KHDRBS2: variants seen among roughly 807,000 people sequenced by gnomAD.
KHDRBS2 encodes the protein KH domain-containing, RNA-binding, signal transduction-associated protein 2.
In KHDRBS2, 26 loss-of-function variants were observed where a neutral mutation model predicts 44.3. The observed-to-expected ratio is 0.59, with a 90% CI of 0.43 to 0.81. The LOEUF (loss-of-function observed/expected upper bound fraction) is 0.81. Among genes scored for constraint, KHDRBS2 ranks in the 40% least tolerant of loss-of-function variants. The probability of loss-of-function intolerance (pLI) is 0.00; values close to 1 mark genes in which losing one functional copy is unlikely to be tolerated. For missense variants in KHDRBS2, 476 were observed against 433.1 expected (o/e 1.10, Z -0.88); for synonymous variants, 194 against 151.1 (o/e 1.28, Z -2.08).
downstream of KHDRBS2, among the ~76,000 whole-genome samples, chr6:61,675,296 C>A (rs564816251): frequency 6.6e-6 from 1 of 151,808 alleles, no homozygotes; most frequent in African/African-American, 2.4e-5. Flanking sequence ...AATTTCCTTT[C>A]AAAGAATTCT....
At chr6:62,272,580 A>T (rs1840261823) in intron 1 of KHDRBS2, among the ~76,000 whole-genome samples, 1 of 152,148 alleles carries the variant, frequency 6.6e-6, no homozygotes, top group African/African-American at 2.4e-5. Context: ...ACCCCAATGG[A>T]GGCAGTAAAT....
intron 2 of KHDRBS2, among the ~76,000 whole-genome samples, chr6:62,170,385 G>A (rs550682040): frequency 3.9e-5 from 6 of 152,190 alleles, no homozygotes; most frequent in Non-Finnish European, 7.4e-5. Flanking sequence ...CAGGGATGGA[G>A]CTTGATTGAA....
At chr6:61,636,743 C>T in the KHDRBS2 span, among the ~76,000 whole-genome samples, 1 of 152,046 alleles carries the variant, frequency 6.6e-6, no homozygotes, top group Non-Finnish European at 1.5e-5. Context: ...AAATCCTAAC[C>T]TAATTCAATC....
intron 6 of KHDRBS2, among the ~76,000 whole-genome samples, chr6:61,803,501 G>A (rs1312487926): frequency 2.0e-5 from 3 of 152,028 alleles, no homozygotes; most frequent in Admixed American, 1.3e-4. Context: ...TATATGCCAG[G>A]AATTGTTCAT....
At chr6:62,071,219 C>A (rs1471895683) in intron 2 of KHDRBS2, among the ~76,000 whole-genome samples, 1 of 152,102 alleles carries the variant, frequency 6.6e-6, no homozygotes, top group East Asian at 1.9e-4. Context: ...TGTTTGAGAT[C>A]ATTGTAGATT....
chr6:62,036,987 C>T (rs1393762416), intron 3 of KHDRBS2, among the ~76,000 whole-genome samples: 1 of 151,934 alleles, frequency 6.6e-6, no homozygotes, highest in African/African-American at 2.4e-5. Context: ...TATTCTGAAA[C>T]TAAATGTTGC....
At chr6:61,564,387 A>G in the KHDRBS2 span, among the ~76,000 whole-genome samples, 2 of 152,100 alleles carry the variant, frequency 1.3e-5, no homozygotes, top group Non-Finnish European at 2.9e-5. Context: ...TTTTTAAAAT[A>G]ATGATTTATG....
chr6:61,707,524 T>C (rs1415703693), intron 7 of KHDRBS2, among the ~76,000 whole-genome samples: 1 of 151,810 alleles, frequency 6.6e-6, no homozygotes, highest in African/African-American at 2.4e-5. Flanking sequence ...TCCATTCAAA[T>C]GCTAAAAGCC....
At chr6:62,199,988 G>T (rs1440425661) in intron 1 of KHDRBS2, among the ~76,000 whole-genome samples, 2 of 152,234 alleles carry the variant, frequency 1.3e-5, no homozygotes, top group Non-Finnish European at 2.9e-5. Flanking sequence ...ATGGAGAAAG[G>T]ATTCCCTATT....
At chr6:61,890,702 T>C (rs1421210898) in intron 6 of KHDRBS2, among the ~76,000 whole-genome samples, 1 of 152,212 alleles carries the variant, frequency 6.6e-6, no homozygotes, top group African/African-American at 2.4e-5. Context: ...TTGTTGTGGA[T>C]TTTTAATTCA....
At chr6:61,580,541 A>C in the KHDRBS2 span, among the ~76,000 whole-genome samples, 1 of 152,028 alleles carries the variant, frequency 6.6e-6, no homozygotes, top group African/African-American at 2.4e-5. Context: ...TCTGCTGCTC[A>C]CTCTGGGTCT....
chr6:61,999,148 AAATTGACCTAAC>A (rs1249181953), intron 3 of KHDRBS2, among the ~76,000 whole-genome samples: 2 of 152,106 alleles, frequency 1.3e-5, no homozygotes, highest in Non-Finnish European at 2.9e-5. Context: ...CTACACTTAT[AAATTGACCTAAC>A]AAATGACCTG....
chr6:61,954,641 C>A (rs563969867), intron 4 of KHDRBS2, among the ~76,000 whole-genome samples: 21 of 130,494 alleles, frequency 1.6e-4, no homozygotes, highest in African/African-American at 4.9e-4. Context: ...TATACACATA[C>A]ATACTTATGT....
chr6:61,790,607 C>T (rs1784494312), intron 6 of KHDRBS2, among the ~76,000 whole-genome samples: 1 of 151,396 alleles, frequency 6.6e-6, no homozygotes, highest in African/African-American at 2.4e-5. Context: ...AACTAAATCA[C>T]CTTGTGTTCT....
intron 2 of KHDRBS2, among the ~76,000 whole-genome samples, chr6:62,164,552 ATC>A (rs1475450835): frequency 2.0e-5 from 3 of 151,862 alleles, no homozygotes; most frequent in African/African-American, 7.2e-5. Flanking sequence ...ACTTCAAATT[ATC>A]TGTCTTACAT....
intron 2 of KHDRBS2, among the ~76,000 whole-genome samples, chr6:62,114,461 T>C (rs73758674): frequency 0.022 from 3,340 of 152,172 alleles, 132 homozygotes; most frequent in African/African-American, 0.075. Flanking sequence ...ATTTTTCTTA[T>C]TTGAGAAACG....
At position 62,176,384 on chromosome 6, in the gene KHDRBS2, A is replaced by T. The variant is rs534372605; in HGVS notation, c.219+801T>A. ...ACAAAGCATCTAGTTAATTATATTT[A>T]CTAAAGTTTATCATATTAGAAGACA... On this transcript the variant is annotated intron_variant, in intron 2 of 8. Coordinates refer to ENST00000281156, the MANE Select transcript of KHDRBS2 (RefSeq NM_152688.4). Among the ~76,000 whole-genome samples the T allele has an allele frequency of 3.3e-5, 5 of 151,508 alleles. No individual in the cohort carries two copies. In the South Asian group the frequency reaches 1.0e-3, roughly 31 times the overall value.
the KHDRBS2 span, among the ~76,000 whole-genome samples, chr6:61,597,769 T>C: frequency 1.8e-4 from 5 of 27,372 alleles, no homozygotes; most frequent in East Asian, 4.1e-3. Context: ...CATATATATA[T>C]ATATACACCA....
At chr6:61,829,598 CTATT>C (rs2127260624) in intron 6 of KHDRBS2, among the ~76,000 whole-genome samples, 1 of 152,020 alleles carries the variant, frequency 6.6e-6, no homozygotes, top group South Asian at 2.1e-4. Context: ...CTTATTAAAA[CTATT>C]TATCAGCAGG....
Sources: gnomAD v4.1 joint callset for allele counts (sites outside exome capture counted in the v4.1 genomes callset) on GRCh38, gnomAD v4.1.1 for gene constraint, MANE v1.5 for transcripts, NCBI Gene and HGNC (gene_info 2026-07-23, HGNC 2026-07-21) for gene names.